FANCA: variants seen among roughly 807,000 people sequenced by gnomAD.
FANCA encodes the protein Fanconi anemia group A protein.
A neutral mutation model predicts 194.3 loss-of-function variants in FANCA; 236 were observed. The observed-to-expected ratio is 1.21, with a 90% CI of 1.09 to 1.35. The LOEUF (loss-of-function observed/expected upper bound fraction) is 1.35. FANCA is among the 40% of genes most tolerant of loss of function. The probability of loss-of-function intolerance (pLI) is 0.00; values close to 1 mark genes in which losing one functional copy is unlikely to be tolerated. For synonymous variants in FANCA, 1,014 were observed against 715.8 expected, an observed-to-expected ratio of 1.42 and a Z score of -6.65; for missense variants, 2,628 against 1,813.9, an observed-to-expected ratio of 1.45 and a Z score of -8.15.
chr16:89,773,083 T>C (rs1181764250), intron 22 of FANCA, among the ~76,000 whole-genome samples, 188 bp downstream of exon 22: 1 of 152,138 alleles, frequency 6.6e-6, no homozygotes. Flanking sequence ...ACAGCTTCAG[T>C]AGGACTAGCC....
intron 17 of FANCA, among the ~76,000 whole-genome samples, chr16:89,781,199 C>G (rs1292180409): frequency 6.6e-6 from 1 of 150,988 alleles, no homozygotes; most frequent in Non-Finnish European, 1.5e-5. Flanking sequence ...CCCATCTCTA[C>G]TAAAAACACA....
intron 7 of FANCA, among the ~76,000 whole-genome samples, chr16:89,804,460 C>T (rs975136846): frequency 1.3e-5 from 2 of 152,134 alleles, no homozygotes; most frequent in African/African-American, 4.8e-5. Flanking sequence ...TCCAGGAGTG[C>T]GCTGAATATA....
chr16:89,760,390 G>T (rs996047900), intron 29 of FANCA, among the ~76,000 whole-genome samples: 1 of 152,218 alleles, frequency 6.6e-6, no homozygotes, highest in Non-Finnish European at 1.5e-5. Context: ...CTGATACCAG[G>T]ATCCAGGTGC....
chr16:89,778,626 C>CT (rs2039594615), intron 20 of FANCA, among the ~76,000 whole-genome samples, 175 bp downstream of exon 20: 1 of 15,156 alleles, frequency 6.6e-5, no homozygotes, highest in Non-Finnish European at 1.2e-4. Flanking sequence ...GAGACTCCAA[C>CT]TAAAAAAAAA....
chr16:89,809,296 G>A (rs572299258), intron 5 of FANCA, among the ~76,000 whole-genome samples: 6 of 152,244 alleles, frequency 3.9e-5, no homozygotes, highest in East Asian at 3.9e-4. Context: ...GCAAATCTGT[G>A]AGCACATGAA....
intron 26 of FANCA, among the ~76,000 whole-genome samples, chr16:89,767,848 G>A (rs971621479): frequency 6.6e-6 from 1 of 152,040 alleles, no homozygotes; most frequent in Non-Finnish European, 1.5e-5. Flanking sequence ...GCAACCAGTC[G>A]AGTTTTTAAT....
rs749869884 is a variant in FANCA, at chr16:89,740,079, C to A, written c.3849G>T (p.Lys1283Asn). The A allele has an allele frequency of 1.2e-6, 2 of 1,614,080 alleles. No individual in the cohort carries two copies. The highest frequency in any genetic ancestry group is 2.7e-5 in the African/African-American group (2 of 74,930). ...LTSNSTTDLP[K>N]AFHVCAAILE... Reference sequence around the variant, plus strand: ...GGATTGCTGCACAAACGTGGAAAGCCTTTGGCAGGTCTGTGGTGCTCTGTA... The same window carrying A: ...GGATTGCTGCACAAACGTGGAAAGCATTTGGCAGGTCTGTGGTGCTCTGTA... The change falls in exon 39 of 43, where the codon AAG (lysine) becomes AAT (asparagine). Residue 1283 changes from lysine to asparagine, a missense_variant. Physicochemically the swap from Lys to Asn is moderately conservative, Grantham distance 94 (BLOSUM62 0). Coordinates refer to ENST00000389301, the MANE Select transcript of FANCA (RefSeq NM_000135.4).
intron 6 of FANCA, among the ~76,000 whole-genome samples, chr16:89,806,643 T>C (rs1280962000): frequency 6.6e-6 from 1 of 152,116 alleles, no homozygotes; most frequent in Non-Finnish European, 1.5e-5. Flanking sequence ...ACAGCACATG[T>C]TTCAGAGAGC....
At position 89,746,635 on chromosome 16, in the gene FANCA, G is replaced by T; in HGVS notation, c.3462C>A (p.Phe1154Leu). ...RSRDPSLMVD[F>L]ILAKCQTKCP... Reference sequence around the variant, plus strand: ...ATTTCGTCTGGCACTTGGCCAGTATGAAGTCGACCATCAGGGAGGGGTCTC... The same window carrying T: ...ATTTCGTCTGGCACTTGGCCAGTATTAAGTCGACCATCAGGGAGGGGTCTC... Residue 1154 changes from phenylalanine to leucine, a missense_variant, in exon 35 of 43, where the codon TTC (phenylalanine) becomes TTA (leucine). Coordinates refer to ENST00000389301, the MANE Select transcript of FANCA (RefSeq NM_000135.4). 1 of 1,614,198 alleles carries T rather than the reference G, an allele frequency of 6.2e-7. No individual in the cohort carries two copies.
At chr16:89,746,803 C>T (rs755591916) in intron 34 of FANCA, 28 bp downstream of exon 34, 1 of 1,574,146 alleles carries the variant, frequency 6.4e-7, no homozygotes, top group South Asian at 1.2e-5. Context: ...CTGAGAAGGC[C>T]ACGAGAGGGG....
chr16:89,782,353 T>G (rs2039747428), intron 17 of FANCA, among the ~76,000 whole-genome samples: 1 of 148,870 alleles, frequency 6.7e-6, no homozygotes, highest in South Asian at 2.1e-4. Context: ...CTATTAAAAA[T>G]ACAAAAAAAT....
intron 30 of FANCA, among the ~76,000 whole-genome samples, chr16:89,752,648 T>C (rs549451679): frequency 2.0e-5 from 3 of 152,324 alleles, no homozygotes; most frequent in Admixed American, 6.5e-5. Context: ...TCAATAATCA[T>C]AGCCTAGGAA....
rs1392468988 is a variant in FANCA at position 89,792,528 on chromosome 16, C to T, written c.1026G>A (p.Met342Ile). 6.2e-7 allele frequency: 1 copy of T among 1,613,240 alleles called. No individual in the cohort carries two copies. Among genetic ancestry groups the T allele is most frequent in the Non-Finnish European group, 8.5e-7 (1 of 1,180,004 alleles). ...PVLKASDAVQ[M>I]QREWSFARTH... ...TCCGCGCAAAGCTCCACTCTCTCTG[C>T]ATCTGAACAGCATCAGATGCTGCAG... is the stretch of plus-strand genomic sequence containing the variant. Residue 342 changes from methionine (M) to isoleucine (I), a missense_variant, in exon 12 of 43, where the codon ATG becomes ATA. Transcript: ENST00000389301.
At chr16:89,791,709 T>C (rs1375053009) in intron 13 of FANCA, 173 bp from the exon 14 acceptor site, 2 of 1,028,416 alleles carry the variant, frequency 1.9e-6, no homozygotes, top group Non-Finnish European at 2.9e-6. Flanking sequence ...ACTAGAGACC[T>C]GAATGAAGCA....
intron 14 of FANCA, among the ~76,000 whole-genome samples, chr16:89,786,253 G>A (rs1338187126): frequency 2.6e-5 from 4 of 151,936 alleles, no homozygotes; most frequent in Admixed American, 6.6e-5. Context: ...GCGTAATCTC[G>A]GCTTACCGTA....
intron 16 of FANCA, 39 bp downstream of exon 16, chr16:89,782,968 G>A: frequency 6.2e-7 from 1 of 1,612,154 alleles, no homozygotes; most frequent in Non-Finnish European, 8.5e-7. Context: ...AGTTTCTGCT[G>A]GGACAGGTGT....
chr16:89,748,947 A>G (rs748910142), intron 32 of FANCA, among the ~76,000 whole-genome samples, 180 bp from the exon 33 acceptor site: 1 of 152,164 alleles, frequency 6.6e-6, no homozygotes, highest in Non-Finnish European at 1.5e-5. Flanking sequence ...CACCTCCCCT[A>G]TACTGTGTTT....
In FANCA at chr16:89,742,851, C is replaced by G. The variant is rs368437504; in HGVS notation, c.3714G>C (p.Arg1238Ser). 1 of 1,614,010 alleles carries G rather than the reference C, an allele frequency of 6.2e-7. No homozygotes were observed. Among genetic ancestry groups the G allele is most frequent in the African/African-American group, 1.3e-5 (1 of 74,900 alleles). Reference sequence around the variant, plus strand: ...TTAGCTGCTTCCTGATGTTTTCTTCCCTGACTTGTTGAATCGCAAAGTGCA... The same window carrying G: ...TTAGCTGCTTCCTGATGTTTTCTTCGCTGACTTGTTGAATCGCAAAGTGCA... The part of the protein sequence containing the change: ...AALHFAIQQV[R>S]EENIRKQLKK... Residue 1238 changes from arginine (R) to serine (S), a missense_variant, in exon 37 of 43, where the codon AGG (arginine) becomes AGC (serine). Arg to Ser is a moderately radical substitution (Grantham distance 110, BLOSUM62 -1). Transcript: ENST00000389301.
At chr16:89,816,050 C>G in intron 1 of FANCA, 64 bp from the exon 2 acceptor site, 1 of 1,270,308 alleles carries the variant, frequency 7.9e-7, no homozygotes, top group Non-Finnish European at 1.1e-6. Context: ...CCCGGCCCGA[C>G]GCGCAGGTGG....
Sources: gnomAD v4.1 joint callset for allele counts (sites outside exome capture counted in the v4.1 genomes callset) on GRCh38, gnomAD v4.1.1 for gene constraint, MANE v1.5 for transcripts, NCBI Gene and HGNC (gene_info 2026-07-23, HGNC 2026-07-21) for gene names.